PLA2G4A: variants seen among roughly 807,000 people sequenced by gnomAD.
PLA2G4A encodes phospholipase A2 group IVA.
Under a neutral mutation model 81.9 loss-of-function variants are expected in PLA2G4A, and 40 were observed. The ratio of observed to expected loss-of-function variants is 0.49; its 90% CI spans 0.38 to 0.64. The LOEUF (loss-of-function observed/expected upper bound fraction) is 0.64, where lower values mean the gene tolerates loss of function less well. PLA2G4A is among the 30% of genes least tolerant of loss of function. The pLI is 0.00. For synonymous variants in PLA2G4A, 302 were observed against 296.9 expected (o/e 1.02, Z -0.18); for missense variants, 715 against 905.1 (o/e 0.79, Z 2.69).
intron 16 of PLA2G4A, among the ~76,000 whole-genome samples, chr1:186,978,585 T>G (rs962592251): frequency 1.3e-5 from 2 of 152,180 alleles, no homozygotes. Flanking sequence ...AATCTGACAT[T>G]TTTAGTTATC....
chr1:186,962,400 A>G, intron 14 of PLA2G4A, among the ~76,000 whole-genome samples: 1 of 152,078 alleles, frequency 6.6e-6, no homozygotes, highest in Non-Finnish European at 1.5e-5. Flanking sequence ...TGTTAGGTTG[A>G]ATTGCGATAA....
At position 186,977,487 on chromosome 1, in the gene PLA2G4A, A is replaced by C; in HGVS notation, c.1765-106A>C. On this transcript the variant is annotated intron_variant, in intron 15 of 17. Transcript: ENST00000367466. ...CGTGATTCATCCTAGCAAGGAGTAC[A>C]TTGCTGGCACACAGTAGACACCTAG... 4.1e-6 allele frequency: 3 copies of C among 737,432 alleles called. No homozygotes were observed. The South Asian group carries it at 4.6e-5, about 11-fold the overall frequency. 45.7% of individuals were successfully genotyped at this position (737,432 alleles called of 1,614,324 possible).
intron 7 of PLA2G4A, among the ~76,000 whole-genome samples, chr1:186,927,350 G>T (rs895497003): frequency 1.3e-5 from 2 of 152,120 alleles, no homozygotes; most frequent in African/African-American, 4.8e-5. Context: ...TTTGTGTATG[G>T]GGATTTTTGG....
chr1:186,971,832 G>C (rs946264314), intron 15 of PLA2G4A, among the ~76,000 whole-genome samples: 1 of 151,924 alleles, frequency 6.6e-6, no homozygotes, highest in Non-Finnish European at 1.5e-5. Flanking sequence ...TTTGATAGGA[G>C]GGGAGAATCC....
chr1:186,912,736 A>G (rs1654994823), intron 7 of PLA2G4A, among the ~76,000 whole-genome samples: 2 of 145,646 alleles, frequency 1.4e-5, no homozygotes, highest in African/African-American at 5.0e-5. Flanking sequence ...ATATACATAT[A>G]TATACATATA....
At chr1:186,878,381 T>C (rs1190624028) in intron 3 of PLA2G4A, among the ~76,000 whole-genome samples, 1 of 148,518 alleles carries the variant, frequency 6.7e-6, no homozygotes, top group Non-Finnish European at 1.5e-5. Context: ...GATATAAATA[T>C]TTCCTTAAAT....
intron 10 of PLA2G4A, among the ~76,000 whole-genome samples, chr1:186,940,982 T>C (rs369579809): frequency 1.3e-5 from 2 of 152,024 alleles, no homozygotes; most frequent in East Asian, 1.9e-4. Context: ...TTGGATACTA[T>C]AAAAGTGCAC....
intron 2 of PLA2G4A, among the ~76,000 whole-genome samples, chr1:186,865,829 C>T (rs1410246127): frequency 6.6e-6 from 1 of 151,816 alleles, no homozygotes; most frequent in African/African-American, 2.4e-5. Context: ...TATACTTATC[C>T]AGAATGAATT....
chr1:186,942,228 A>G (rs1476100779), intron 10 of PLA2G4A, among the ~76,000 whole-genome samples: 1 of 152,184 alleles, frequency 6.6e-6, no homozygotes, highest in Non-Finnish European at 1.5e-5. Flanking sequence ...AGTAAGCGCC[A>G]TAATGAAATT....
chr1:186,899,909 G>A (rs778241580), intron 5 of PLA2G4A, among the ~76,000 whole-genome samples: 2 of 152,160 alleles, frequency 1.3e-5, no homozygotes, highest in Non-Finnish European at 2.9e-5. Flanking sequence ...AGAGTTGAAT[G>A]CAATGATTGC....
At chr1:186,886,005 A>G (rs985948699) in intron 3 of PLA2G4A, among the ~76,000 whole-genome samples, 9 of 152,200 alleles carry the variant, frequency 5.9e-5, no homozygotes, top group South Asian at 2.1e-4. Flanking sequence ...TAGCCAATAA[A>G]ATATATTGAA....
At chr1:186,881,520 T>C (rs951860039) in intron 3 of PLA2G4A, among the ~76,000 whole-genome samples, 1 of 152,078 alleles carries the variant, frequency 6.6e-6, no homozygotes, top group Non-Finnish European at 1.5e-5. Context: ...GCCATAACGC[T>C]TATAATTTTG....
chr1:186,953,772 C>G (rs1207125405), intron 13 of PLA2G4A, among the ~76,000 whole-genome samples: 4 of 152,084 alleles, frequency 2.6e-5, no homozygotes, highest in Non-Finnish European at 5.9e-5. Context: ...TTGGGTTTGT[C>G]CCACAAGTGA....
intron 12 of PLA2G4A, among the ~76,000 whole-genome samples, chr1:186,949,220 A>G (rs1656446296): frequency 6.6e-6 from 1 of 151,740 alleles, no homozygotes; most frequent in Admixed American, 6.6e-5. Context: ...TTGGTGAACT[A>G]TTTTCTTAAA....
chr1:186,974,084 ATG>A (rs1450723198), intron 15 of PLA2G4A, among the ~76,000 whole-genome samples: 1 of 151,586 alleles, frequency 6.6e-6, no homozygotes, highest in African/African-American at 2.4e-5. Flanking sequence ...TAATAAATAA[ATG>A]TGTTGTTTCA....
chr1:186,871,613 G>A (rs1212286531), intron 3 of PLA2G4A, among the ~76,000 whole-genome samples: 1 of 152,132 alleles, frequency 6.6e-6, no homozygotes, highest in Non-Finnish European at 1.5e-5. Context: ...CAGAATGCTT[G>A]TGAGGAGCTA....
intron 2 of PLA2G4A, among the ~76,000 whole-genome samples, chr1:186,855,499 A>G (rs973863158): frequency 1.3e-5 from 2 of 152,062 alleles, no homozygotes; most frequent in African/African-American, 4.8e-5. Context: ...CCACGAAACC[A>G]TCACTCAGAT....
intron 7 of PLA2G4A, among the ~76,000 whole-genome samples, chr1:186,911,968 G>A (rs578111081): frequency 4.0e-4 from 61 of 152,160 alleles, no homozygotes; most frequent in Non-Finnish European, 6.3e-4. Context: ...AGGAGAACCC[G>A]GAGCAACAAT....
At chr1:186,929,808 T>C (rs747220177) in intron 7 of PLA2G4A, among the ~76,000 whole-genome samples, 1 of 152,168 alleles carries the variant, frequency 6.6e-6, no homozygotes, top group South Asian at 2.1e-4. Context: ...ATGCTTATAA[T>C]CCCAGCAAGT....
Sources: allele counts gnomAD v4.1 joint callset (sites outside exome capture counted in the v4.1 genomes callset), GRCh38; gene constraint gnomAD v4.1.1; transcripts MANE v1.5; gene names NCBI Gene and HGNC (gene_info 2026-07-23, HGNC 2026-07-21).